Variants in TTLL5 observed in about 807,000 individuals in gnomAD.
TTLL5 encodes the protein tubulin polyglutamylase TTLL5.
Under a neutral mutation model 168.4 loss-of-function variants are expected in TTLL5, and 132 were observed. The observed-to-expected ratio is 0.78, with a 90% CI of 0.68 to 0.91. The LOEUF (loss-of-function observed/expected upper bound fraction) is 0.91, where lower values mean the gene tolerates loss of function less well. Ranked by LOEUF, TTLL5 falls within the 40% of genes least tolerant of loss-of-function variation. The probability of loss-of-function intolerance (pLI) is 0.00; values close to 1 mark genes in which losing one functional copy is unlikely to be tolerated. For synonymous variants in TTLL5, 546 were observed against 558.6 expected (o/e 0.98, Z 0.32); for missense variants, 1,545 against 1,581.5 (o/e 0.98, Z 0.39).
chr14:75,772,144 G>A (rs879477400), intron 21 of TTLL5, among the ~76,000 whole-genome samples: 15 of 152,192 alleles, frequency 9.9e-5, no homozygotes, highest in African/African-American at 3.4e-4. Flanking sequence ...CTCATTGGAC[G>A]TGAAGCCCTG....
intron 12 of TTLL5, among the ~76,000 whole-genome samples, chr14:75,726,697 TAAG>T (rs1888204013): frequency 6.6e-6 from 1 of 152,220 alleles, no homozygotes; most frequent in East Asian, 1.9e-4. Context: ...TTTGAAATGG[TAAG>T]AAGTATGACT....
intron 31 of TTLL5, among the ~76,000 whole-genome samples, chr14:75,919,221 A>AAAC (rs2033735122): frequency 7.5e-6 from 1 of 133,832 alleles, no homozygotes; most frequent in Non-Finnish European, 1.6e-5. Flanking sequence ...AAAAAAAAAA[A>AAAC]GGAAAAAGAA....
intron 9 of TTLL5, 50 bp from the exon 10 acceptor site, chr14:75,717,810 TA>T: frequency 6.5e-7 from 1 of 1,544,362 alleles, no homozygotes; most frequent in Non-Finnish European, 8.9e-7. Context: ...TTCCAGCCTG[TA>T]TTTCCTTGAA....
chr14:75,744,887 G>C (rs1889503814), intron 15 of TTLL5, among the ~76,000 whole-genome samples: 1 of 151,918 alleles, frequency 6.6e-6, no homozygotes. Context: ...TTCTTTTACT[G>C]TTCTGTTTTC....
chr14:75,783,096 G>T, intron 25 of TTLL5, 51 bp from the exon 26 acceptor site: 1 of 1,508,654 alleles, frequency 6.6e-7, no homozygotes, highest in South Asian at 1.3e-5. Context: ...TATAGAGATT[G>T]TATGTTTGTT....
At chr14:75,844,939 A>G (rs1236724163) in intron 28 of TTLL5, among the ~76,000 whole-genome samples, 1 of 152,170 alleles carries the variant, frequency 6.6e-6, no homozygotes, top group Admixed American at 6.6e-5. Flanking sequence ...TCATTACAGC[A>G]TCTCTCCACC....
At chr14:75,731,210 G>A (rs1279325410) in intron 12 of TTLL5, among the ~76,000 whole-genome samples, 1 of 152,102 alleles carries the variant, frequency 6.6e-6, no homozygotes, top group Non-Finnish European at 1.5e-5. Flanking sequence ...TTCTGTGGGT[G>A]TGAGCTCTGG....
intron 27 of TTLL5, among the ~76,000 whole-genome samples, chr14:75,818,869 T>C (rs1894664111): frequency 1.3e-5 from 2 of 152,354 alleles, no homozygotes; most frequent in South Asian, 2.1e-4. Flanking sequence ...AACAATATTG[T>C]TAGCCATTTA....
intron 27 of TTLL5, chr14:75,818,563 C>T (rs758887209): frequency 6.5e-6 from 2 of 309,978 alleles, no homozygotes; most frequent in Non-Finnish European, 1.2e-5. Flanking sequence ...TCTCTTCTCA[C>T]CGCAACCTCT....
intron 3 of TTLL5, among the ~76,000 whole-genome samples, chr14:75,674,431 A>G (rs1883986732): frequency 6.6e-6 from 1 of 152,196 alleles, no homozygotes; most frequent in African/African-American, 2.4e-5. Context: ...ATCTGGGGCA[A>G]TAGTTACCTT....
intron 31 of TTLL5, among the ~76,000 whole-genome samples, chr14:75,918,122 A>G (rs908501124): frequency 2.0e-5 from 3 of 152,168 alleles, no homozygotes; most frequent in Non-Finnish European, 4.4e-5. Flanking sequence ...GGAAGGGCAA[A>G]AGACAGATGC....
chr14:75,753,922 G>A (rs1457912666), intron 18 of TTLL5, among the ~76,000 whole-genome samples: 2 of 152,134 alleles, frequency 1.3e-5, no homozygotes, highest in East Asian at 3.8e-4. Context: ...AGTGAGTGCG[G>A]CCTTTCAGTC....
At chr14:75,952,237 C>T (rs937452908) in intron 31 of TTLL5, among the ~76,000 whole-genome samples, 1 of 152,068 alleles carries the variant, frequency 6.6e-6, no homozygotes, top group African/African-American at 2.4e-5. Context: ...TGGTCAGCAG[C>T]CACCAGCTTG....
chr14:75,913,197 A>G (rs563245632), intron 31 of TTLL5, among the ~76,000 whole-genome samples: 1 of 152,300 alleles, frequency 6.6e-6, no homozygotes, highest in Non-Finnish European at 1.5e-5. Context: ...TTCTCGCTCT[A>G]TCATGTGGCA....
intron 27 of TTLL5, among the ~76,000 whole-genome samples, chr14:75,796,908 G>A (rs560237057): frequency 1.1e-4 from 16 of 152,240 alleles, no homozygotes; most frequent in African/African-American, 3.6e-4. Context: ...TGGCTATGCA[G>A]GCTCTTTTTT....
intron 21 of TTLL5, 130 bp from the exon 22 acceptor site, chr14:75,775,354 G>T: frequency 9.6e-7 from 1 of 1,036,954 alleles, no homozygotes; most frequent in Non-Finnish European, 1.4e-6. Context: ...TTTTTGTTCT[G>T]GGTCTTGTTT....
At chr14:75,694,182 C>A (rs1326039493) in intron 6 of TTLL5, among the ~76,000 whole-genome samples, 1 of 152,194 alleles carries the variant, frequency 6.6e-6, no homozygotes. Flanking sequence ...ATTTTTCTTG[C>A]TTCCTACCCA....
At chr14:75,678,220 A>C (rs2039790156) in intron 3 of TTLL5, among the ~76,000 whole-genome samples, 1 of 152,246 alleles carries the variant, frequency 6.6e-6, no homozygotes, top group African/African-American at 2.4e-5. Flanking sequence ...CAGACAAGTT[A>C]CAAAAATAGT....
intron 28 of TTLL5, among the ~76,000 whole-genome samples, chr14:75,827,957 T>G (rs1343005205): frequency 6.6e-6 from 1 of 151,884 alleles, no homozygotes; most frequent in Non-Finnish European, 1.5e-5. Flanking sequence ...GCTAAAGCAG[T>G]CCACCCGCCT....
Sources: gnomAD v4.1 joint callset for allele counts (sites outside exome capture counted in the v4.1 genomes callset) on GRCh38, gnomAD v4.1.1 for gene constraint, MANE v1.5 for transcripts, NCBI Gene and HGNC (gene_info 2026-07-23, HGNC 2026-07-21) for gene names.